The following CHRNA1 variants were observed in gnomAD, a reference collection of about 807,000 sequenced individuals.
The protein encoded by CHRNA1 is acetylcholine receptor subunit alpha.
A neutral mutation model predicts 47.1 loss-of-function variants in CHRNA1; 35 were observed. The ratio of observed to expected loss-of-function variants is 0.74; its 90% CI spans 0.57 to 0.99. The LOEUF is 0.99. Ranked by LOEUF, CHRNA1 falls within the 50% of genes least tolerant of loss-of-function variation. The pLI is 0.00. For missense variants in CHRNA1, 506 were observed against 591.1 expected, an observed-to-expected ratio of 0.86 and a Z score of 1.49; for synonymous variants, 229 against 223.6, an observed-to-expected ratio of 1.02 and a Z score of -0.22.
At position 174,748,204 on chromosome 2, in the gene CHRNA1, C is replaced by A; in HGVS notation, c.1294G>T (p.Gly432Ter). ...VAMVMDHILL[G>*]VFMLVCIIGT... ...ATGATGCAAACAAGCATGAAGACTCCGAGGAGTATGTGGTCCATCACCATT... is the reference window on the plus strand; with the variant it reads ...ATGATGCAAACAAGCATGAAGACTCAGAGGAGTATGTGGTCCATCACCATT... The change falls in exon 9 of 9, where the codon GGA (glycine) becomes TGA (stop). Residue 432 changes from glycine (G) to a stop codon, truncating the protein, a stop_gained. Coordinates refer to ENST00000348749, the MANE Select transcript of CHRNA1 (RefSeq NM_000079.4). LOFTEE classifies it high-confidence loss of function. The A allele has an allele frequency of 6.2e-7, 1 of 1,614,118 alleles. No individual in the cohort carries two copies. Among genetic ancestry groups the A allele is most frequent in the East Asian group, 2.2e-5 (1 of 44,880 alleles).
chr2:174,754,255 G>A lies in CHRNA1; in HGVS notation c.504C>T (p.Thr168=). 6.2e-7 allele frequency: 1 copy of A among 1,614,046 alleles called. No individual in the cohort carries two copies. The highest frequency in any genetic ancestry group is 8.5e-7 in the Non-Finnish European group (1 of 1,180,008). The change falls in exon 5 of 9, where the codon ACC becomes ACT. Residue 168 remains threonine, a synonymous_variant. Transcript: ENST00000348749. Reference sequence around the variant, plus strand: ...CCACGACAGAGCCGTCGTAGGTCCAGGTGCCCAGCTTCATGCTGCAGTTCT... The same window carrying A: ...CCACGACAGAGCCGTCGTAGGTCCAAGTGCCCAGCTTCATGCTGCAGTTCT... ...DEQNCSMKLG[T]WTYDGSVVAI... is the part of the protein sequence containing the mutation.
chr2:174,753,509 C>G lies in CHRNA1; in HGVS notation c.772G>C (p.Asp258His), dbSNP rs2105347640. The G allele has an allele frequency of 1.2e-6, 2 of 1,613,378 alleles. No individual in the cohort carries two copies. Among genetic ancestry groups the G allele is most frequent in the Non-Finnish European group, 1.7e-6 (2 of 1,179,272 alleles). The part of the protein sequence containing the change: ...LTGLVFYLPT[D>H]SGEKMTLSIS... ...TCATGGCAACCACACCCACCTGAGT[C>G]TGTGGGCAGGTAGAATACCAGGCCA... The change falls in exon 6 of 9, where the codon GAC becomes CAC. Residue 258 changes from aspartate (D) to histidine (H), a missense_variant. Coordinates refer to ENST00000348749, the MANE Select transcript of CHRNA1 (RefSeq NM_000079.4).
Position 174,764,377 on chromosome 2 carries a change from G to A in CHRNA1, c.18C>T (p.Leu6=). 6 of 1,613,466 alleles carry A rather than the reference G, an allele frequency of 3.7e-6. No homozygotes were observed. The South Asian group carries it at 6.6e-5, about 18-fold the overall frequency. Residue 6 remains leucine, a synonymous_variant, in exon 1 of 9, where the codon CTC becomes CTT. Coordinates refer to ENST00000348749, the MANE Select transcript of CHRNA1 (RefSeq NM_000079.4). The stretch of plus-strand genomic sequence containing the variant: ...CTGAGCAAAGGCTAAAGAGCAGGAG[G>A]AGAGGCCAGGGCTCCATGGGCTACC... The part of the protein sequence containing the change: MEPWP[L]LLLFSLCSAG...
Position 174,757,591 on chromosome 2 carries a change from G to A in CHRNA1, c.319C>T (p.Arg107Cys), listed in dbSNP as rs140268343. ...KIHIPSEKIW[R>C]PDLVLYNNAD... is the part of the protein sequence containing the mutation. Reference sequence around the variant, plus strand: ...TTGTTATAGAGAACAAGGTCTGGGCGCCAGATCTTTTCTGAAGGAATGTGA... The same window carrying A: ...TTGTTATAGAGAACAAGGTCTGGGCACCAGATCTTTTCTGAAGGAATGTGA... Residue 107 changes from arginine (R) to cysteine (C), a missense_variant, in exon 4 of 9, where the codon CGC becomes TGC. Arg to Cys is a radical substitution (Grantham distance 180). Coordinates refer to ENST00000348749, the MANE Select transcript of CHRNA1 (RefSeq NM_000079.4). 6.3e-5 allele frequency: 102 copies of A among 1,613,908 alleles called. No homozygotes were observed. The African/African-American group carries it at 8.1e-4, about 13-fold the overall frequency.
chr2:174,761,662 C>A (rs933988916), intron 1 of CHRNA1, among the ~76,000 whole-genome samples: 1 of 152,166 alleles, frequency 6.6e-6, no homozygotes, highest in Admixed American at 6.5e-5. Context: ...GCACTCAGTG[C>A]CCAACCACGC....
intron 6 of CHRNA1, chr2:174,753,121 G>C (rs35537239): frequency 0.082 from 40,300 of 489,106 alleles, 2,337 homozygotes; most frequent in South Asian, 0.2. Flanking sequence ...GGATTAGTCA[G>C]TACATAGAAA....
chr2:174,754,224 T>C lies in CHRNA1; in HGVS notation c.535A>G (p.Asn179Asp), dbSNP rs1359917775. ...CATATGTGGCCACCACCTACCGGGT[T>C]GATGGCCACGACAGAGCCGTCGTAG... The part of the protein sequence containing the change: ...WTYDGSVVAI[N>D]PESDQPDLSN... Residue 179 changes from asparagine to aspartate, a missense_variant, in exon 5 of 9, where the codon AAC becomes GAC. By Grantham distance (23) the Asn-to-Asp change is conservative (BLOSUM62 1). Coordinates refer to ENST00000348749, the MANE Select transcript of CHRNA1 (RefSeq NM_000079.4). The C allele has an allele frequency of 6.2e-7, 1 of 1,613,368 alleles. No homozygotes were observed.
At chr2:174,754,195 T>C in intron 5 of CHRNA1, 24 bp downstream of exon 5, 1 of 1,611,626 alleles carries the variant, frequency 6.2e-7, no homozygotes, top group Non-Finnish European at 8.5e-7. Flanking sequence ...GAAACCACCC[T>C]TATCATATGT....
intron 3 of CHRNA1, 126 bp downstream of exon 3, chr2:174,759,205 A>G: frequency 9.2e-7 from 1 of 1,086,082 alleles, no homozygotes; most frequent in East Asian, 2.5e-5. Context: ...TGCTTTCACC[A>G]TCTCAAAATA....
chr2:174,758,296 C>A (rs931382342), intron 3 of CHRNA1, among the ~76,000 whole-genome samples: 2 of 152,072 alleles, frequency 1.3e-5, no homozygotes, highest in African/African-American at 4.8e-5. Context: ...GTAGTCCCAG[C>A]TACTTGGGAG....
rs768887652 is a variant in CHRNA1, at chr2:174,747,741, A to G, written c.*383T>C. ...AAGCAAAGAATACACTTCATTTAGA[A>G]CATCAGCAACTCCCTAGTGGTCTCG... On this transcript the variant is annotated 3_prime_UTR_variant, in exon 9 of 9. Coordinates refer to ENST00000348749, the MANE Select transcript of CHRNA1 (RefSeq NM_000079.4). 87 of 290,820 alleles carry G rather than the reference A, an allele frequency of 3.0e-4. No individual in the cohort carries two copies. The Middle Eastern group carries it at 6.6e-3, about 22-fold the overall frequency. The allele number at this position is 290,820 out of a possible 1,614,324, so 18.0% of individuals were successfully genotyped here. A position where few individuals can be genotyped will look rare whatever the true frequency, so the allele number is the denominator to read the frequency against.
At chr2:174,762,268 A>G (rs1329495914) in intron 1 of CHRNA1, among the ~76,000 whole-genome samples, 2 of 152,242 alleles carry the variant, frequency 1.3e-5, no homozygotes, top group Middle Eastern at 3.2e-3. Context: ...TCAGAACTCT[A>G]TGATTCTCTT....
At chr2:174,754,537 G>T in intron 4 of CHRNA1, 123 bp from the exon 5 acceptor site, 2 of 831,880 alleles carry the variant, frequency 2.4e-6, no homozygotes, top group Middle Eastern at 3.4e-4. Context: ...GCTCTGTTTC[G>T]GGCAGCGTCA....
chr2:174,753,601 A>G lies in CHRNA1; in HGVS notation c.680T>C (p.Met227Thr). The G allele has an allele frequency of 6.2e-7, 1 of 1,614,142 alleles. No individual in the cohort carries two copies. The highest frequency in any genetic ancestry group is 8.5e-7 in the Non-Finnish European group (1 of 1,180,016). ...PYLDITYHFV[M>T]QRLPLYFIVN... Reference sequence around the variant, plus strand: ...GATGAAGTAGAGGGGCAGGCGCTGCATGACGAAGTGGTAGGTGATGTCCAG... The same window carrying G: ...GATGAAGTAGAGGGGCAGGCGCTGCGTGACGAAGTGGTAGGTGATGTCCAG... The change falls in exon 6 of 9, where the codon ATG (methionine) becomes ACG (threonine). Residue 227 changes from methionine to threonine, a missense_variant. Coordinates refer to ENST00000348749, the MANE Select transcript of CHRNA1 (RefSeq NM_000079.4).
chr2:174,760,548 G>C (rs553679992), intron 1 of CHRNA1, among the ~76,000 whole-genome samples: 8 of 152,138 alleles, frequency 5.3e-5, no homozygotes, highest in East Asian at 1.9e-4. Flanking sequence ...CCAGGGACTG[G>C]GGGGGAGAGA....
chr2:174,749,416 A>G (rs1390343762), intron 7 of CHRNA1, among the ~76,000 whole-genome samples: 1 of 152,238 alleles, frequency 6.6e-6, no homozygotes, highest in African/African-American at 2.4e-5. Flanking sequence ...GTCTCTGTAA[A>G]GTTTTGTCAA....
intron 1 of CHRNA1, among the ~76,000 whole-genome samples, 165 bp from the exon 2 acceptor site, chr2:174,759,798 T>C (rs1252088742): frequency 6.6e-6 from 1 of 152,140 alleles, no homozygotes; most frequent in Non-Finnish European, 1.5e-5. Flanking sequence ...TATTGCCTTG[T>C]GTTTTTCCAA....
Position 174,750,012 on chromosome 2 carries a change from A to C in CHRNA1, c.936T>G (p.Thr312=), listed in dbSNP as rs779447535. The C allele has an allele frequency of 1.2e-6, 2 of 1,614,150 alleles. No homozygotes were observed. Among genetic ancestry groups the C allele is most frequent in the East Asian group, 4.5e-5 (2 of 44,882 alleles). The change falls in exon 7 of 9, where the codon ACT becomes ACG. Residue 312 remains threonine, a synonymous_variant. Coordinates refer to ENST00000348749, the MANE Select transcript of CHRNA1 (RefSeq NM_000079.4). ...MVFVIASIII[T]VIVINTHHRS... ...GGTGGTGTGTGTTGATGACGATGAC[A>C]GTGATGATGATGGAGGCAATGACGA...
At chr2:174,755,346 A>T (rs1025670727) in intron 4 of CHRNA1, among the ~76,000 whole-genome samples, 1 of 151,980 alleles carries the variant, frequency 6.6e-6, no homozygotes, top group Non-Finnish European at 1.5e-5. Context: ...GTGTCCCCTG[A>T]GGCGCCCATG....
Sources: gnomAD v4.1 joint callset for allele counts (sites outside exome capture counted in the v4.1 genomes callset) on GRCh38, gnomAD v4.1.1 for gene constraint, MANE v1.5 for transcripts, NCBI Gene and HGNC (gene_info 2026-07-23, HGNC 2026-07-21) for gene names.